Variants in NGDN observed in about 807,000 individuals in gnomAD.
NGDN encodes the protein neuroguidin.
Under a neutral mutation model 45.2 loss-of-function variants are expected in NGDN, and 41 were observed. The ratio of observed to expected loss-of-function variants is 0.91; its 90% CI spans 0.71 to 1.18. NGDN has a LOEUF of 1.18. Among genes scored for constraint, NGDN ranks in the 50% most tolerant of loss-of-function variants. The pLI is 0.00. For synonymous variants in NGDN, 137 were observed against 130.9 expected, an observed-to-expected ratio of 1.05 and a Z score of -0.32; for missense variants, 402 against 399.9, an observed-to-expected ratio of 1.01 and a Z score of -0.05.
chr14:23,475,046 A>G (rs1893864432), intron 3 of NGDN, 125 bp from the exon 4 acceptor site: 7 of 877,864 alleles, frequency 8.0e-6, no homozygotes, highest in Admixed American at 3.0e-5. Flanking sequence ...AGACTATTCC[A>G]GATACCTAAT....
chr14:23,469,758 G>A (rs1893728512), intron 1 of NGDN, 31 bp downstream of exon 1: 3 of 1,613,928 alleles, frequency 1.9e-6, no homozygotes, highest in South Asian at 2.2e-5. Context: ...TCCTCGCGTA[G>A]CTATTGTGGA....
At chr14:23,469,970 C>T (rs2138718676) in intron 1 of NGDN, 72 bp from the exon 2 acceptor site, 1 of 1,536,024 alleles carries the variant, frequency 6.5e-7, no homozygotes, top group South Asian at 1.1e-5. Context: ...AGTTTCCCAC[C>T]CTAGACGTTC....
rs1893885524 is a variant in NGDN at position 23,475,725 on chromosome 14, G to A, written c.368-1G>A. ...AAAATTCATTGGGTTATTTATTTCA[G>A]GTGAGAATGACCCACTTCGTTTTAA... is the stretch of plus-strand genomic sequence containing the variant. On this transcript the variant is annotated splice_acceptor_variant, in intron 5 of 10. Transcript: ENST00000408901. LOFTEE classifies it high-confidence loss of function. The A allele has an allele frequency of 6.2e-7, 1 of 1,613,932 alleles. No individual in the cohort carries two copies. Among genetic ancestry groups the A allele is most frequent in the Non-Finnish European group, 8.5e-7 (1 of 1,179,980 alleles).
chr14:23,471,053 CTT>C (rs1426891198), intron 3 of NGDN, 76 bp downstream of exon 3: 2 of 978,110 alleles, frequency 2.0e-6, no homozygotes, highest in Non-Finnish European at 2.9e-6. Flanking sequence ...TTTATTGTGT[CTT>C]ATATATCCTA....
downstream of NGDN, chr14:23,478,258 A>AT: frequency 2.5e-5 from 11 of 435,370 alleles, no homozygotes; most frequent in South Asian, 5.8e-5. Flanking sequence ...GAAAAGGGAA[A>AT]TTTTTTTTGG....
rs764459614 is a variant in NGDN, at chr14:23,477,907, C to T, written c.929-100C>T. 4.0e-4 allele frequency: 644 copies of T among 1,610,448 alleles called. 5 individuals carry two copies. The highest frequency in any genetic ancestry group is 1.3e-4 in the Admixed American group (8 of 59,416). On this transcript the variant is annotated intron_variant, in intron 10 of 10. Transcript: ENST00000408901. ...GATATTCAGGGTACTGCCTAGGAGA[C>T]CCCACCCCTGTGAGCCCTTCCCTCT...
chr14:23,477,645 C>T, intron 10 of NGDN, 85 bp downstream of exon 10: 3 of 1,591,398 alleles, frequency 1.9e-6, no homozygotes, highest in Admixed American at 3.6e-5. Flanking sequence ...TTCTGGGTCT[C>T]ACCAAGCCCT....
chr14:23,476,599 A>G lies in NGDN; in HGVS notation c.713+192A>G, dbSNP rs180916665. Among the ~76,000 whole-genome samples, 5 of 152,252 alleles carry G rather than the reference A, an allele frequency of 3.3e-5. 1 individual carries two copies. Among genetic ancestry groups the G allele is most frequent in the Admixed American group, 2.6e-4 (4 of 15,290 alleles). On this transcript the variant is annotated intron_variant, in intron 8 of 10. Coordinates refer to ENST00000408901, the MANE Select transcript of NGDN (RefSeq NM_001042635.2). ...AGAAACTAGGAAAATTTTTACCCCA[A>G]CTGTTTAGTTCAAAGCAAAAGCAGT...
At chr14:23,470,720 T>G (rs954867248) in intron 2 of NGDN, among the ~76,000 whole-genome samples, 186 bp from the exon 3 acceptor site, 12 of 8,640 alleles carry the variant, frequency 1.4e-3, no homozygotes, top group South Asian at 0.013. Flanking sequence ...AGTGGAAAGT[T>G]TTTTTTTTTT....
At position 23,470,985 on chromosome 14, in the gene NGDN, G is replaced by A. The variant is rs780769780; in HGVS notation, c.144+8G>A. 8 of 1,515,490 alleles carry A rather than the reference G, an allele frequency of 5.3e-6. No individual in the cohort carries two copies. Among genetic ancestry groups the A allele is most frequent in the African/African-American group, 1.4e-5 (1 of 69,430 alleles). The allele number at this position is 1,515,490 out of a possible 1,614,324, so 93.9% of individuals were successfully genotyped here. ...GCCTATCCTACAGAAAAGGTAAGATGTACTCAAACAGTAAGCATCCCCTGA... is the reference window on the plus strand; with the variant it reads ...GCCTATCCTACAGAAAAGGTAAGATATACTCAAACAGTAAGCATCCCCTGA... On this transcript the variant is annotated splice_region_variant and intron_variant, in intron 3 of 10. Coordinates refer to ENST00000408901, the MANE Select transcript of NGDN (RefSeq NM_001042635.2).
In NGDN at chr14:23,474,627, TGTG is replaced by T. The variant is rs138790154; in HGVS notation, c.145-540_145-538del. On this transcript the variant is annotated intron_variant, in intron 3 of 10. Transcript: ENST00000408901. ...AAGTCATATTACACTTTCTACAACT[TGTG>T]GTGACATGGATTTAATTCGATGTCA... is the stretch of plus-strand genomic sequence containing the variant. Among the ~76,000 whole-genome samples the T allele has an allele frequency of 2.1e-3, 318 of 152,328 alleles. 2 individuals are homozygous for T. The highest frequency in any genetic ancestry group is 7.3e-3 in the African/African-American group (303 of 41,582).
chr14:23,478,049 A>G lies in NGDN; in HGVS notation c.*23A>G. The G allele has an allele frequency of 6.2e-7, 1 of 1,610,034 alleles. No individual in the cohort carries two copies. Among genetic ancestry groups the G allele is most frequent in the Non-Finnish European group, 8.5e-7 (1 of 1,176,624 alleles). ...TGATTATGGGTGTACATATTTGTAT[A>G]TTTTTTGTCATCCTGAGATACTTCT... On this transcript the variant is annotated 3_prime_UTR_variant, in exon 11 of 11. Coordinates refer to ENST00000408901, the MANE Select transcript of NGDN (RefSeq NM_001042635.2).
At chr14:23,477,915 C>T (rs1893941873) in intron 10 of NGDN, 92 bp from the exon 11 acceptor site, 6 of 1,612,630 alleles carry the variant, frequency 3.7e-6, no homozygotes, top group Non-Finnish European at 4.2e-6. Flanking sequence ...GACCCCACCC[C>T]TGTGAGCCCT....
intron 8 of NGDN, among the ~76,000 whole-genome samples, chr14:23,476,792 A>G (rs147560915): frequency 2.6e-5 from 4 of 152,342 alleles, no homozygotes; most frequent in Non-Finnish European, 5.9e-5. Context: ...TGAGTGCTAG[A>G]TAAGTTCAGG....
At chr14:23,476,729 A>G (rs1160825998) in intron 8 of NGDN, among the ~76,000 whole-genome samples, 3 of 152,230 alleles carry the variant, frequency 2.0e-5, no homozygotes, top group African/African-American at 7.2e-5. Context: ...TCACTGTCAC[A>G]GCTCTCACTT....
Position 23,477,339 on chromosome 14 carries a change from A to T in NGDN, c.853A>T (p.Thr285Ser). The T allele has an allele frequency of 5.0e-6, 8 of 1,614,194 alleles. No individual in the cohort carries two copies. The highest frequency in any genetic ancestry group is 5.9e-6 in the Non-Finnish European group (7 of 1,180,008). The stretch of plus-strand genomic sequence containing the variant: ...TGACATCAGTGCTTTGACAGGGGGA[A>T]CTGTTCATCTTGATGAGGTGAGGTT... ...FSDISALTGG[T>S]VHLDEDQNPI... Residue 285 changes from threonine to serine, a missense_variant, in exon 9 of 11, where the codon ACT (threonine) becomes TCT (serine). Physicochemically the swap from Thr to Ser is moderately conservative, Grantham distance 58 (BLOSUM62 1). Transcript: ENST00000408901.
rs2138725030 is a variant in NGDN, at chr14:23,475,708, T to C, written c.368-18T>C. 5.0e-6 allele frequency: 8 copies of C among 1,613,968 alleles called. No homozygotes were observed. Among genetic ancestry groups the C allele is most frequent in the Admixed American group, 1.7e-5 (1 of 60,012 alleles). On this transcript the variant is annotated intron_variant, in intron 5 of 10. Coordinates refer to ENST00000408901, the MANE Select transcript of NGDN (RefSeq NM_001042635.2). Reference sequence around the variant, plus strand: ...AAAGTTCCAAATTTTGTAAAATTCATTGGGTTATTTATTTCAGGTGAGAAT... The same window carrying C: ...AAAGTTCCAAATTTTGTAAAATTCACTGGGTTATTTATTTCAGGTGAGAAT...
chr14:23,472,285 C>T (rs1455722790), intron 3 of NGDN, among the ~76,000 whole-genome samples: 1 of 151,064 alleles, frequency 6.6e-6, no homozygotes, highest in East Asian at 1.9e-4. Context: ...CACCTGAGGT[C>T]AGGAGTTCGA....
intron 1 of NGDN, 22 bp downstream of exon 1, chr14:23,469,749 CCTCGCGTAGCTATTGTGGAGTT>C: frequency 6.2e-7 from 1 of 1,614,084 alleles, no homozygotes; most frequent in Non-Finnish European, 8.5e-7. Context: ...GTGGTTTCTT[CCTCGCGTAGCTATTGTGGAGTT>C]GTCCTTTGCC....
Sources: gnomAD v4.1 joint callset for allele counts (sites outside exome capture counted in the v4.1 genomes callset) on GRCh38, gnomAD v4.1.1 for gene constraint, MANE v1.5 for transcripts, NCBI Gene and HGNC (gene_info 2026-07-23, HGNC 2026-07-21) for gene names.